RBMS3: variants seen among roughly 807,000 people sequenced by gnomAD.
RBMS3 encodes RNA binding motif single stranded interacting protein 3, also known as RNA-binding motif, single-stranded-interacting protein 3.
Under a neutral mutation model 66.8 loss-of-function variants are expected in RBMS3, and 27 were observed. The observed-to-expected ratio is 0.40, with a 90% CI of 0.30 to 0.56. The LOEUF (loss-of-function observed/expected upper bound fraction) is 0.56, where lower values mean the gene tolerates loss of function less well. RBMS3 is among the 20% of genes least tolerant of loss of function. The pLI, the probability that RBMS3 is intolerant of heterozygous loss-of-function variation, is 0.40. For synonymous variants in RBMS3, 188 were observed against 183.0 expected (o/e 1.03, Z -0.22); for missense variants, 513 against 549.5 (o/e 0.93, Z 0.66).
intron 6 of RBMS3, among the ~76,000 whole-genome samples, chr3:29,815,541 G>T (rs946216232): frequency 6.6e-6 from 1 of 152,010 alleles, no homozygotes; most frequent in Non-Finnish European, 1.5e-5. Context: ...TTAGGAACAG[G>T]GGGTTGTCAA....
At chr3:29,657,801 A>C (rs2050379048) in intron 4 of RBMS3, among the ~76,000 whole-genome samples, 1 of 152,228 alleles carries the variant, frequency 6.6e-6, no homozygotes, top group Non-Finnish European at 1.5e-5. Flanking sequence ...GTGACTCTTA[A>C]TGATTGATAA....
chr3:29,721,690 T>C (rs989017920), intron 4 of RBMS3, among the ~76,000 whole-genome samples: 14 of 152,336 alleles, frequency 9.2e-5, no homozygotes, highest in Non-Finnish European at 1.9e-4. Context: ...TTCCAACTAT[T>C]AATGAGGAAA....
intron 4 of RBMS3, among the ~76,000 whole-genome samples, chr3:29,604,864 T>C (rs1202808930): frequency 6.6e-6 from 1 of 151,952 alleles, no homozygotes; most frequent in East Asian, 1.9e-4. Context: ...TTGGTTGGCA[T>C]TTGTCTACCA....
rs568342524 is a variant in RBMS3, at chr3:29,984,382, G to T, written c.1099-3761G>T. ...ATGCTCCTTTAGCTCAGAGGAGTTT[G>T]CTATTACTCACCTTCTGAAGCCCAC... On this transcript the variant is annotated intron_variant, in intron 12 of 14. Coordinates refer to ENST00000383767, the MANE Select transcript of RBMS3 (RefSeq NM_001003793.3). Among the ~76,000 whole-genome samples the T allele has an allele frequency of 2.0e-5, 3 of 151,948 alleles. No homozygotes were observed. In the South Asian group the frequency reaches 6.2e-4, roughly 32 times the overall value.
intron 4 of RBMS3, among the ~76,000 whole-genome samples, chr3:29,624,089 T>G (rs914910287): frequency 6.6e-6 from 1 of 152,208 alleles, no homozygotes; most frequent in African/African-American, 2.4e-5. Context: ...AAAACTCATA[T>G]TTGCGAAGAC....
At chr3:29,546,293 G>C (rs929908186) in intron 3 of RBMS3, among the ~76,000 whole-genome samples, 15 of 152,132 alleles carry the variant, frequency 9.9e-5, no homozygotes, top group African/African-American at 3.6e-4. Flanking sequence ...ATGAGGCATA[G>C]AGAGGTAAAG....
At chr3:29,364,178 A>C (rs1307487381) in intron 1 of RBMS3, among the ~76,000 whole-genome samples, 4 of 152,178 alleles carry the variant, frequency 2.6e-5, no homozygotes, top group African/African-American at 9.7e-5. Context: ...AAAATTCTCA[A>C]ATATATCATT....
chr3:29,323,017 C>G (rs2035099349), intron 1 of RBMS3, among the ~76,000 whole-genome samples: 1 of 152,068 alleles, frequency 6.6e-6, no homozygotes, highest in Non-Finnish European at 1.5e-5. Context: ...CCATGGAGAC[C>G]ATAAAATTCT....
chr3:29,814,636 C>T (rs958421057), intron 6 of RBMS3, among the ~76,000 whole-genome samples: 1 of 152,102 alleles, frequency 6.6e-6, no homozygotes. Flanking sequence ...TGGTAAGCTA[C>T]TGATTATTGC....
intron 1 of RBMS3, among the ~76,000 whole-genome samples, chr3:29,382,749 T>C (rs760640003): frequency 6.6e-6 from 1 of 152,224 alleles, no homozygotes; most frequent in Non-Finnish European, 1.5e-5. Context: ...TTATATCCCC[T>C]TTCTATACTA....
At chr3:29,654,615 G>T (rs113600149) in intron 4 of RBMS3, among the ~76,000 whole-genome samples, 199 of 149,882 alleles carry the variant, frequency 1.3e-3, no homozygotes, top group African/African-American at 4.5e-3. Context: ...TTTTTTGAGA[G>T]AGTTTCATTC....
intron 4 of RBMS3, among the ~76,000 whole-genome samples, chr3:29,626,071 T>C (rs73048478): frequency 0.12 from 17,644 of 152,188 alleles, 1,091 homozygotes; most frequent in Middle Eastern, 0.22. Context: ...CTATGCTTAA[T>C]TACATGAGCA....
At chr3:29,714,704 G>C (rs2053315977) in intron 4 of RBMS3, among the ~76,000 whole-genome samples, 1 of 151,898 alleles carries the variant, frequency 6.6e-6, no homozygotes, top group African/African-American at 2.4e-5. Flanking sequence ...GGATTAGGTT[G>C]TAGAAAATAG....
intron 4 of RBMS3, chr3:29,698,657 T>C (rs1360319408): frequency 1.0e-6 from 1 of 974,580 alleles, no homozygotes; most frequent in Non-Finnish European, 1.2e-6. Flanking sequence ...TCCCAAGTCT[T>C]CTCATTTGCT....
intron 3 of RBMS3, among the ~76,000 whole-genome samples, chr3:29,503,456 CCT>C (rs1194264846): frequency 6.6e-6 from 1 of 152,050 alleles, no homozygotes; most frequent in Non-Finnish European, 1.5e-5. Context: ...TCTAGATTCC[CCT>C]GTCCAAGTTT....
Position 29,991,673 on chromosome 3 carries a change from AAAAGCTTGATATAGAG to A in RBMS3, c.1307+466_1307+481del. The A allele has an allele frequency of 2.0e-5, 3 of 153,198 alleles. 1 individual carries two copies. Among genetic ancestry groups the A allele is most frequent in the Admixed American group, 1.9e-4 (3 of 15,410 alleles). The allele number at this position is 153,198 out of a possible 1,614,324, so 9.5% of individuals were successfully genotyped here. A position where few individuals can be genotyped will look rare whatever the true frequency, so the allele number is the denominator to read the frequency against. ...CAGTCAATGTAGCAGTTCACTTTGA[AAAAGCTTGATATAGAG>A]AGAGGCACTGCAGCCATTAAAAAAA... On this transcript the variant is annotated intron_variant, in intron 14 of 14. Coordinates refer to ENST00000383767, the MANE Select transcript of RBMS3 (RefSeq NM_001003793.3).
chr3:29,548,169 G>C (rs1427576569), intron 3 of RBMS3, among the ~76,000 whole-genome samples: 1 of 152,096 alleles, frequency 6.6e-6, no homozygotes, highest in Non-Finnish European at 1.5e-5. Context: ...ACCGTGGCCT[G>C]TAGTCCCAGA....
chr3:29,420,505 C>A (rs895718577), intron 1 of RBMS3, among the ~76,000 whole-genome samples: 1 of 152,068 alleles, frequency 6.6e-6, no homozygotes, highest in African/African-American at 2.4e-5. Context: ...TCCGAAATGA[C>A]GTGACTCAGT....
chr3:29,303,482 T>C (rs980207144), intron 1 of RBMS3, among the ~76,000 whole-genome samples: 1 of 152,028 alleles, frequency 6.6e-6, no homozygotes, highest in Non-Finnish European at 1.5e-5. Flanking sequence ...GAGTCACATA[T>C]CTGCATTATA....
Sources: allele counts gnomAD v4.1 joint callset (sites outside exome capture counted in the v4.1 genomes callset), GRCh38; gene constraint gnomAD v4.1.1; transcripts MANE v1.5; gene names NCBI Gene and HGNC (gene_info 2026-07-23, HGNC 2026-07-21).